Variants in MTAP observed in about 807,000 individuals in gnomAD.
MTAP encodes S-methyl-5'-thioadenosine phosphorylase.
In MTAP, 33 loss-of-function variants were observed where a neutral mutation model predicts 33.6. That is an observed-to-expected ratio of 0.98 (90% CI 0.74 to 1.31). The LOEUF (loss-of-function observed/expected upper bound fraction) is 1.31. MTAP is among the 40% of genes most tolerant of loss of function. The pLI is 0.00. For synonymous variants in MTAP, 148 were observed against 125.7 expected (o/e 1.18, Z -1.19); for missense variants, 367 against 360.0 (o/e 1.02, Z -0.16).
downstream of MTAP, among the ~76,000 whole-genome samples, chr9:21,870,957 G>A (rs1388823726): frequency 6.6e-6 from 1 of 151,724 alleles, no homozygotes; most frequent in Non-Finnish European, 1.5e-5. Context: ...TTTCAGTAGA[G>A]ACAGGGTTTC....
intron 4 of MTAP, among the ~76,000 whole-genome samples, chr9:21,829,278 C>A (rs1299383268): frequency 6.6e-6 from 1 of 152,192 alleles, no homozygotes; most frequent in Admixed American, 6.5e-5. Flanking sequence ...TCCAGGGCAG[C>A]TGGGGCAGGA....
In MTAP at chr9:21,864,899, T is replaced by C. The variant is rs1010056892; in HGVS notation, c.*2885T>C. 5.1e-6 allele frequency: 5 copies of C among 985,360 alleles called. No homozygotes were observed. The African/African-American group carries it at 7.0e-5, about 14-fold the overall frequency. 61.0% of individuals were successfully genotyped at this position (985,360 alleles called of 1,614,324 possible). On this transcript the variant is annotated 3_prime_UTR_variant, in exon 8 of 8. Transcript: ENST00000644715. ...GTTGTGGCCCCACCAACACCTATTT[T>C]CCAAATAATTATTCATTCTTGTGAC... is the stretch of plus-strand genomic sequence containing the variant.
At chr9:21,823,440 C>A (rs1385931070) in intron 4 of MTAP, among the ~76,000 whole-genome samples, 2 of 152,100 alleles carry the variant, frequency 1.3e-5, no homozygotes, top group Non-Finnish European at 2.9e-5. Flanking sequence ...GAATATTGGC[C>A]CCCACTCTCT....
intron 4 of MTAP, among the ~76,000 whole-genome samples, chr9:21,835,138 G>T (rs1054687568): frequency 4.5e-4 from 69 of 152,286 alleles, no homozygotes; most frequent in Non-Finnish European, 9.0e-4. Flanking sequence ...CATGGTGGTA[G>T]AAGGGCGACC....
chr9:21,904,751 G>T (rs576628757), intron 1 of MTAP, among the ~76,000 whole-genome samples: 13 of 152,276 alleles, frequency 8.5e-5, no homozygotes, highest in South Asian at 2.1e-4. Context: ...GCATATAATT[G>T]TCTCGATCTA....
chr9:21,813,399 A>G (rs566484053), intron 1 of MTAP, among the ~76,000 whole-genome samples: 2 of 152,316 alleles, frequency 1.3e-5, no homozygotes, highest in South Asian at 2.1e-4. Flanking sequence ...CTGAGGGCTG[A>G]GTTGCCAGCT....
At chr9:21,852,146 G>A (rs986641205) in intron 5 of MTAP, among the ~76,000 whole-genome samples, 2 of 152,176 alleles carry the variant, frequency 1.3e-5, no homozygotes, top group African/African-American at 4.8e-5. Context: ...CTCGGGAATG[G>A]AAAACTAAAT....
chr9:21,863,850 C>A lies in MTAP; in HGVS notation c.*1836C>A. ...GCTAATTGTAAACAAAACAGTTACC[C>A]TCCAGTATTAATATGACTCATTAGT... On this transcript the variant is annotated 3_prime_UTR_variant, in exon 8 of 8. Coordinates refer to ENST00000644715, the MANE Select transcript of MTAP (RefSeq NM_002451.4). The A allele has an allele frequency of 1.0e-6, 1 of 985,776 alleles. No homozygotes were observed. The highest frequency in any genetic ancestry group is 1.2e-6 in the Non-Finnish European group (1 of 829,918). 61.1% of individuals were successfully genotyped at this position (985,776 alleles called of 1,614,324 possible).
intron 1 of MTAP, among the ~76,000 whole-genome samples, chr9:21,926,596 A>G (rs974751290): frequency 6.6e-6 from 1 of 152,232 alleles, no homozygotes; most frequent in African/African-American, 2.4e-5. Context: ...TAATCTGGAT[A>G]GTACTTCCGC....
At chr9:21,904,665 A>G (rs1818446408) in intron 1 of MTAP, among the ~76,000 whole-genome samples, 1 of 152,224 alleles carries the variant, frequency 6.6e-6, no homozygotes, top group African/African-American at 2.4e-5. Context: ...CAGGGCAAAA[A>G]GAGATTTATC....
At chr9:21,918,349 CAAAAAA>C (rs34446505) in intron 1 of MTAP, among the ~76,000 whole-genome samples, 5 of 23,812 alleles carry the variant, frequency 2.1e-4, no homozygotes, top group African/African-American at 1.1e-3. Context: ...GACTCCGTCT[CAAAAAA>C]AAAAAAAAAA....
rs34468950 is a variant in MTAP at position 21,872,812 on chromosome 9, C to CT, written c.147+17947dup. ...ACTGTAGACAGATCAGACCTTTCAA[C>CT]TTTTTCATGCTTTATGACTGCAGTC... On this transcript the variant is annotated intron_variant, in intron 1 of 1. Transcript: ENST00000577563. Among the ~76,000 whole-genome samples the CT allele has an allele frequency of 5.9e-5, 9 of 152,220 alleles. No individual in the cohort carries two copies. In the South Asian group the frequency reaches 1.7e-3, roughly 28 times the overall value.
intron 1 of MTAP, among the ~76,000 whole-genome samples, chr9:21,924,957 A>G (rs188769982): frequency 4.6e-4 from 70 of 152,350 alleles, no homozygotes; most frequent in African/African-American, 1.7e-3. Context: ...TCATACTGGG[A>G]CAAACCCTGT....
At chr9:21,879,889 A>G (rs1453087986) in intron 1 of MTAP, among the ~76,000 whole-genome samples, 1 of 152,052 alleles carries the variant, frequency 6.6e-6, no homozygotes, top group Non-Finnish European at 1.5e-5. Flanking sequence ...GTAGGATTTC[A>G]TCTGAGAGGT....
chr9:21,854,553 G>C, intron 5 of MTAP, 78 bp from the exon 6 acceptor site: 1 of 1,452,840 alleles, frequency 6.9e-7, no homozygotes, highest in Non-Finnish European at 9.1e-7. Flanking sequence ...AATCAACTTG[G>C]TAAACATTGG....
chr9:21,830,502 G>A (rs1335262809), intron 4 of MTAP, among the ~76,000 whole-genome samples: 1 of 152,094 alleles, frequency 6.6e-6, no homozygotes, highest in Non-Finnish European at 1.5e-5. Context: ...GTTAGGAGTG[G>A]GATTTGTTCC....
intron 1 of MTAP, among the ~76,000 whole-genome samples, chr9:21,915,164 G>A (rs1050733972): frequency 2.6e-5 from 4 of 150,992 alleles, no homozygotes; most frequent in African/African-American, 9.8e-5. Flanking sequence ...CTCACTGCAA[G>A]CTCCACCTCT....
At chr9:21,887,579 C>A (rs951045651) in intron 1 of MTAP, among the ~76,000 whole-genome samples, 1 of 152,176 alleles carries the variant, frequency 6.6e-6, no homozygotes, top group African/African-American at 2.4e-5. Context: ...CATACATGTG[C>A]ATGTGTCTTT....
chr9:21,873,610 G>GCC (rs1214638550), intron 1 of MTAP, among the ~76,000 whole-genome samples: 11 of 76,194 alleles, frequency 1.4e-4, no homozygotes, highest in African/African-American at 7.7e-4. Flanking sequence ...TTCCACCCCC[G>GCC]CCCCCCACCC....
Sources: gnomAD v4.1 joint callset for allele counts (sites outside exome capture counted in the v4.1 genomes callset) on GRCh38, gnomAD v4.1.1 for gene constraint, MANE v1.5 for transcripts, NCBI Gene and HGNC (gene_info 2026-07-23, HGNC 2026-07-21) for gene names.